TK1: variants seen among roughly 807,000 people sequenced by gnomAD.
TK1 encodes thymidine kinase 1.
A neutral mutation model predicts 22.4 loss-of-function variants in TK1; 13 were observed. That is an observed-to-expected ratio of 0.58 (90% CI 0.38 to 0.92). TK1 has a LOEUF of 0.92. Ranked by LOEUF, TK1 falls within the 40% of genes least tolerant of loss-of-function variation. The pLI is 0.00. For missense variants in TK1, 251 were observed against 315.7 expected, an observed-to-expected ratio of 0.80 and a Z score of 1.55; for synonymous variants, 134 against 125.4, an observed-to-expected ratio of 1.07 and a Z score of -0.46.
chr17:78,184,282 C>T (rs2145829325), intron 3 of TK1, among the ~76,000 whole-genome samples: 1 of 152,368 alleles, frequency 6.6e-6, no homozygotes, highest in Admixed American at 6.5e-5. Flanking sequence ...GATCTGTTCT[C>T]TGCACAGCCA....
chr17:78,182,547 G>A (rs756661703), intron 4 of TK1, 42 bp downstream of exon 4: 69 of 1,474,732 alleles, frequency 4.7e-5, no homozygotes, highest in Middle Eastern at 1.7e-4. Context: ...AGGACAGAGC[G>A]GAAGCTGGCA....
intron 4 of TK1, chr17:78,179,422 G>A (rs2075723502): frequency 1.0e-6 from 1 of 985,352 alleles, no homozygotes; most frequent in Non-Finnish European, 1.2e-6. Context: ...CACCTCTGAA[G>A]GTCAGAAACG....
At chr17:78,186,696 AG>A (rs2075801996) in intron 2 of TK1, 90 bp downstream of exon 2, 2 of 775,104 alleles carry the variant, frequency 2.6e-6, no homozygotes, top group Non-Finnish European at 3.5e-6. Flanking sequence ...AGGGGAGGGG[AG>A]GGGAGGGGAG....
intron 5 of TK1, 50 bp from the exon 6 acceptor site, chr17:78,175,219 G>GTTTTTTTTTTT: frequency 2.5e-6 from 4 of 1,574,992 alleles, no homozygotes; most frequent in East Asian, 2.3e-5. Context: ...TACCAGGTGG[G>GTTTTTTTTTTT]TTTTTCTTTT....
upstream of TK1, chr17:78,187,118 C>T: frequency 1.7e-6 from 2 of 1,158,076 alleles, no homozygotes; most frequent in East Asian, 2.5e-5. Context: ...GCCCCGCCGC[C>T]ATGGGGCCAA....
At chr17:78,179,092 G>T in intron 4 of TK1, 1 of 917,476 alleles carries the variant, frequency 1.1e-6, no homozygotes, top group Non-Finnish European at 1.3e-6. Context: ...AAAGGTTTCT[G>T]CCTCGGGGGT....
At chr17:78,185,863 T>G (rs2075784292) in intron 2 of TK1, among the ~76,000 whole-genome samples, 1 of 152,144 alleles carries the variant, frequency 6.6e-6, no homozygotes, top group African/African-American at 2.4e-5. Flanking sequence ...AGAAAGTCTT[T>G]GTGTGCAGCG....
Position 78,179,369 on chromosome 17 carries a change from C to T in TK1, c.303+3220G>A, listed in dbSNP as rs574258955. 1.1e-4 allele frequency: 109 copies of T among 985,422 alleles called. No homozygotes were observed. The African/African-American group carries it at 1.8e-3, about 16-fold the overall frequency. 61.0% of individuals were successfully genotyped at this position (985,422 alleles called of 1,614,324 possible). ...TCCCTCAAGCACGGGGCAGCAACAA[C>T]GACGTCTCCACGTACGCAGAGGCAT... On this transcript the variant is annotated intron_variant, in intron 4 of 6. Transcript: ENST00000301634.
At chr17:78,175,646 TGA>T in intron 4 of TK1, 28 bp from the exon 5 acceptor site, 1 of 1,601,222 alleles carries the variant, frequency 6.2e-7, no homozygotes, top group Non-Finnish European at 8.5e-7. Context: ...AGAAAGAGTG[TGA>T]GAGCTTCCAC....
chr17:78,180,500 A>T (rs2075730939), intron 4 of TK1, among the ~76,000 whole-genome samples: 1 of 152,236 alleles, frequency 6.6e-6, no homozygotes, highest in African/African-American at 2.4e-5. Context: ...AAACTAAGAT[A>T]ACAGAAAATA....
At chr17:78,186,887 G>A in intron 1 of TK1, 42 bp downstream of exon 1, 1 of 1,565,414 alleles carries the variant, frequency 6.4e-7, no homozygotes, top group Non-Finnish European at 8.7e-7. Flanking sequence ...CTATCACCAC[G>A]ACCACCTCAT....
chr17:78,184,998 T>C, intron 3 of TK1, 57 bp downstream of exon 3: 2 of 1,296,548 alleles, frequency 1.5e-6, no homozygotes, highest in Non-Finnish European at 2.2e-6. Flanking sequence ...GTCCTAACAG[T>C]GTGTCCTGTG....
chr17:78,176,743 C>T (rs749743246), intron 4 of TK1, among the ~76,000 whole-genome samples: 2 of 152,208 alleles, frequency 1.3e-5, no homozygotes, highest in African/African-American at 2.4e-5. Context: ...GGAGGGCTGA[C>T]GCTGCCATGG....
At position 78,174,629 on chromosome 17, in the gene TK1, T is replaced by C; in HGVS notation, c.*130A>G. 9.4e-7 allele frequency: 1 copy of C among 1,059,756 alleles called. No homozygotes were observed. The highest frequency in any genetic ancestry group is 1.3e-6 in the Non-Finnish European group (1 of 756,772). The allele number at this position is 1,059,756 out of a possible 1,614,324, so 65.6% of individuals were successfully genotyped here. On this transcript the variant is annotated 3_prime_UTR_variant, in exon 7 of 7. Transcript: ENST00000301634. ...GGTGGGGCAGCCACACAAAGGAGAG[T>C]TCCCAGAAGGCCAAGGTGTGGTCAC...
rs2075806847 is a variant in TK1, at chr17:78,186,838, C to T, written c.67-20G>A. ...AATCACCTAGGAGAGAAGGTGAGGT[C>T]ATTTGAGGGCCCGCCCTGCGCGGAT... is the stretch of plus-strand genomic sequence containing the variant. On this transcript the variant is annotated intron_variant, in intron 1 of 6. Transcript: ENST00000301634. 1 of 1,577,934 alleles carries T rather than the reference C, an allele frequency of 6.3e-7. No individual in the cohort carries two copies. Among genetic ancestry groups the T allele is most frequent in the Non-Finnish European group, 8.6e-7 (1 of 1,162,234 alleles).
chr17:78,178,696 G>C (rs1567831857), intron 4 of TK1, among the ~76,000 whole-genome samples: 2 of 152,216 alleles, frequency 1.3e-5, no homozygotes, highest in Non-Finnish European at 2.9e-5. Context: ...CAGGCTTGGA[G>C]TGCAATGGGG....
chr17:78,175,498 C>A, intron 5 of TK1, 31 bp downstream of exon 5: 1 of 1,600,470 alleles, frequency 6.2e-7, no homozygotes, highest in Non-Finnish European at 8.5e-7. Flanking sequence ...CCTCCTCAAT[C>A]CCAGCTCCAG....
At chr17:78,175,271 T>C (rs1274306573) in intron 5 of TK1, 102 bp from the exon 6 acceptor site, 2 of 1,414,472 alleles carry the variant, frequency 1.4e-6, no homozygotes, top group East Asian at 3.0e-5. Flanking sequence ...GAGAGTTTGC[T>C]CTGACCTTAG....
rs375125476 is a variant in TK1, at chr17:78,182,351, A to G, written c.303+238T>C. Among the ~76,000 whole-genome samples, 5 of 151,342 alleles carry G rather than the reference A, an allele frequency of 3.3e-5. No homozygotes were observed. In the East Asian group the frequency reaches 7.7e-4, roughly 23 times the overall value. ...GTGCCATCGTACTCCGGCCTGGGCA[A>G]CAAGAGCAAAACTCCGTCTCAAAAA... On this transcript the variant is annotated intron_variant, in intron 4 of 6. Transcript: ENST00000301634.
Sources: allele counts gnomAD v4.1 joint callset (sites outside exome capture counted in the v4.1 genomes callset), GRCh38; gene constraint gnomAD v4.1.1; transcripts MANE v1.5; gene names NCBI Gene and HGNC (gene_info 2026-07-23, HGNC 2026-07-21).